The following ERV3-1 variants were observed in gnomAD, a reference collection of about 807,000 sequenced individuals.
ERV3-1 encodes endogenous retrovirus group 3 member 1 Env polyprotein.
Under a neutral mutation model 24.6 loss-of-function variants are expected in ERV3-1, and 36 were observed. The observed-to-expected ratio is 1.47, with a 90% CI of 1.12 to 1.94. The LOEUF (loss-of-function observed/expected upper bound fraction) is 1.94, where lower values mean the gene tolerates loss of function less well. ERV3-1 is among the 30% of genes most tolerant of loss of function. The pLI is 0.00. For synonymous variants in ERV3-1, 211 were observed against 122.6 expected (o/e 1.72, Z -4.76); for missense variants, 578 against 330.9 (o/e 1.75, Z -5.79).
At chr7:64,998,053 T>C (rs1234729467) in intron 1 of ERV3-1, among the ~76,000 whole-genome samples, 2 of 152,130 alleles carry the variant, frequency 1.3e-5, no homozygotes, top group Non-Finnish European at 2.9e-5. Flanking sequence ...GGGGCTCAGA[T>C]TTCCCCCTTT....
At position 64,991,021 on chromosome 7, in the gene ERV3-1, G is replaced by C. The variant is rs915875419; in HGVS notation, c.*191C>G. On this transcript the variant is annotated 3_prime_UTR_variant, in exon 2 of 2. Coordinates refer to ENST00000394323, the MANE Select transcript of ERV3-1 (RefSeq NM_001007253.4). ...TTTTCTTGGCAGGGGTTAATACTTA[G>C]TTAGGGCCATTAGTCGTGTGGTAGT... 6 of 488,644 alleles carry C rather than the reference G, an allele frequency of 1.2e-5. No homozygotes were observed. The highest frequency in any genetic ancestry group is 2.2e-5 in the Non-Finnish European group (6 of 277,134). 30.3% of individuals were successfully genotyped at this position (488,644 alleles called of 1,614,324 possible).
chr7:64,999,227 G>C (rs1562655331), intron 1 of ERV3-1, among the ~76,000 whole-genome samples: 1 of 152,212 alleles, frequency 6.6e-6, no homozygotes, highest in Non-Finnish European at 1.5e-5. Flanking sequence ...TCCCCTCCGG[G>C]TTGAAGGTCT....
In ERV3-1 at chr7:64,992,752, A is replaced by T; in HGVS notation, c.275T>A (p.Phe92Tyr). The change falls in exon 2 of 2, where the codon TTT becomes TAT. Residue 92 changes from phenylalanine to tyrosine, a missense_variant. Physicochemically the swap from Phe to Tyr is conservative, Grantham distance 22 (BLOSUM62 3). Coordinates refer to ENST00000394323, the MANE Select transcript of ERV3-1 (RefSeq NM_001007253.4). The stretch of plus-strand genomic sequence containing the variant: ...TTCCTTTGACCCGACATGAATTTCA[A>T]ACCAGGTCCCAGGTGAAGACTTAGG... ...YDPKSSPGTWFEIHVGSKEGD... is the reference protein window; with the variant it reads ...YDPKSSPGTWYEIHVGSKEGD... 1 of 766,444 alleles carries T rather than the reference A, an allele frequency of 1.3e-6. No homozygotes were observed. Among genetic ancestry groups the T allele is most frequent in the Non-Finnish European group, 2.4e-6 (1 of 417,912 alleles). 47.5% of individuals were successfully genotyped at this position (766,444 alleles called of 1,614,324 possible). A position where few individuals can be genotyped will look rare whatever the true frequency, so the allele number is the denominator to read the frequency against.
intron 1 of ERV3-1, among the ~76,000 whole-genome samples, chr7:64,999,917 C>G (rs1786483673): frequency 6.6e-6 from 1 of 152,082 alleles, no homozygotes; most frequent in African/African-American, 2.4e-5. Flanking sequence ...CTTGTTTTTC[C>G]TTTTATATTT....
intron 1 of ERV3-1, among the ~76,000 whole-genome samples, chr7:65,000,811 A>C (rs959870583): frequency 6.6e-6 from 1 of 152,138 alleles, no homozygotes; most frequent in Non-Finnish European, 1.5e-5. Flanking sequence ...AAAATAAAAT[A>C]TTTAATAAAA....
In ERV3-1 at chr7:65,006,590, A is replaced by G; in HGVS notation, c.-438T>C. On this transcript the variant is annotated 5_prime_UTR_variant, in exon 1 of 2. Coordinates refer to ENST00000394323, the MANE Select transcript of ERV3-1 (RefSeq NM_001007253.4). The stretch of plus-strand genomic sequence containing the variant: ...TGGCGTCTTAGCTGTGGATCTCCCA[A>G]TACCTGCAGGTAACGAGGCCACAGA... 1.9e-6 allele frequency: 3 copies of G among 1,573,482 alleles called. No individual in the cohort carries two copies.
At chr7:64,999,133 G>C (rs1320323886) in intron 1 of ERV3-1, among the ~76,000 whole-genome samples, 1 of 152,138 alleles carries the variant, frequency 6.6e-6, no homozygotes, top group East Asian at 1.9e-4. Context: ...CAGTCCTGTA[G>C]CGTGAAGTCC....
rs980399918 is a variant in ERV3-1 at position 64,992,613 on chromosome 7, A to G, written c.414T>C (p.Ser138=). ...SMGSLFPVIF[S]SMEYYSSCHK... Reference sequence around the variant, plus strand: ...GGCAGCTACTATAGTACTCCATGGAACTGAAGATTACGGGAAAGAGTGAGC... The same window carrying G: ...GGCAGCTACTATAGTACTCCATGGAGCTGAAGATTACGGGAAAGAGTGAGC... Residue 138 remains serine (S), a synonymous_variant, in exon 2 of 2, where the codon AGT becomes AGC. Coordinates refer to ENST00000394323, the MANE Select transcript of ERV3-1 (RefSeq NM_001007253.4). 2.6e-6 allele frequency: 2 copies of G among 766,278 alleles called. No homozygotes were observed. The highest frequency in any genetic ancestry group is 4.8e-6 in the Non-Finnish European group (2 of 417,910). 47.5% of individuals were successfully genotyped at this position (766,278 alleles called of 1,614,324 possible).
In ERV3-1 at chr7:64,992,315, A is replaced by T; in HGVS notation, c.712T>A (p.Tyr238Asn). The T allele has an allele frequency of 1.3e-6, 1 of 766,308 alleles. No homozygotes were observed. The highest frequency in any genetic ancestry group is 2.4e-6 in the Non-Finnish European group (1 of 417,892). 47.5% of individuals were successfully genotyped at this position (766,308 alleles called of 1,614,324 possible). ...EIGPGAYVYL[Y>N]IIKKTRTRST... ...CGGGTCCGAGTTTTCTTTATGATAT[A>T]TAGATAGACATAGGCTCCTGGGCCA... Residue 238 changes from tyrosine to asparagine, a missense_variant, in exon 2 of 2, where the codon TAT becomes AAT. Coordinates refer to ENST00000394323, the MANE Select transcript of ERV3-1 (RefSeq NM_001007253.4).
At chr7:65,004,841 T>A (rs913939739) in intron 1 of ERV3-1, 4 of 150,614 alleles carry the variant, frequency 2.7e-5, no homozygotes, top group African/African-American at 7.3e-5. Context: ...TGCAAGTTGC[T>A]GCACCATCTC....
chr7:64,994,999 C>T (rs571285959), intron 1 of ERV3-1, among the ~76,000 whole-genome samples: 3 of 152,354 alleles, frequency 2.0e-5, no homozygotes, highest in East Asian at 3.9e-4. Flanking sequence ...GAGAATACCT[C>T]GTCCACTGTT....
At chr7:65,000,269 G>C (rs1250227332) in intron 1 of ERV3-1, among the ~76,000 whole-genome samples, 3 of 152,002 alleles carry the variant, frequency 2.0e-5, no homozygotes, top group Admixed American at 2.0e-4. Context: ...GTTGCCCAGG[G>C]TGGAGTGCAG....
Position 64,992,162 on chromosome 7 carries a change from C to T in ERV3-1, c.865G>A (p.Val289Ile), listed in dbSNP as rs371937339. Residue 289 changes from valine (V) to isoleucine (I), a missense_variant, in exon 2 of 2, where the codon GTT becomes ATT. By Grantham distance (29) the Val-to-Ile change is conservative. Transcript: ENST00000394323. ...CCCCCACAGACATAACATGAAGCAA[C>T]GTGCAGGCTGCTGGCTATGTTTTCA... The part of the protein sequence containing the change: ...LAENIASSLH[V>I]ASCYVCGGMN... 28 of 766,250 alleles carry T rather than the reference C, an allele frequency of 3.7e-5. No homozygotes were observed. Among genetic ancestry groups the T allele is most frequent in the East Asian group, 1.2e-4 (5 of 41,248 alleles). 47.5% of individuals were successfully genotyped at this position (766,250 alleles called of 1,614,324 possible). A position where few individuals can be genotyped will look rare whatever the true frequency, so the allele number is the denominator to read the frequency against.
chr7:64,993,048 G>T lies in ERV3-1; in HGVS notation c.-22C>A. 2.8e-6 allele frequency: 2 copies of T among 713,146 alleles called. 1 individual carries two copies. Among genetic ancestry groups the T allele is most frequent in the South Asian group, 3.0e-5 (2 of 67,374 alleles). 44.2% of individuals were successfully genotyped at this position (713,146 alleles called of 1,614,324 possible). A position where few individuals can be genotyped will look rare whatever the true frequency, so the allele number is the denominator to read the frequency against. On this transcript the variant is annotated 5_prime_UTR_variant, in exon 2 of 2. Coordinates refer to ENST00000394323, the MANE Select transcript of ERV3-1 (RefSeq NM_001007253.4). ...GCATGGACAGAAAAGGCTTTTTCCT[G>T]GGGGGAGAAGGCTAAGCAAAGTGAC...
chr7:65,000,303 A>C (rs1280628883), intron 1 of ERV3-1, among the ~76,000 whole-genome samples: 2 of 152,046 alleles, frequency 1.3e-5, no homozygotes, highest in Non-Finnish European at 2.9e-5. Context: ...GCTCACTGCA[A>C]GCTCCGCCTC....
At chr7:65,006,263 G>A (rs910987725) in intron 1 of ERV3-1, 26 of 529,450 alleles carry the variant, frequency 4.9e-5, no homozygotes, top group Non-Finnish European at 8.8e-5. Flanking sequence ...CACAATCGGG[G>A]AGAGCTGCGG....
chr7:65,006,123 G>A (rs2129125299), intron 1 of ERV3-1: 1 of 184,312 alleles, frequency 5.4e-6, no homozygotes, highest in East Asian at 1.6e-4. Context: ...TAATATTTCT[G>A]CGGAGACTTC....
chr7:64,991,478 T>C lies in ERV3-1; in HGVS notation c.1549A>G (p.Arg517Gly). 1.4e-6 allele frequency: 1 copy of C among 704,160 alleles called. No homozygotes were observed. The allele number at this position is 704,160 out of a possible 1,614,324, so 43.6% of individuals were successfully genotyped here. A position where few individuals can be genotyped will look rare whatever the true frequency, so the allele number is the denominator to read the frequency against. Residue 517 changes from arginine (R) to glycine (G), a missense_variant, in exon 2 of 2, where the codon AGA becomes GGA. Transcript: ENST00000394323. ...TPVYMLNRII[R>G]LQAVLEIITN... Reference sequence around the variant, plus strand: ...ATGATTTCTAGTACTGCCTGCAATCTTATAATGCGGTTAAGCATGTAAACT... The same window carrying C: ...ATGATTTCTAGTACTGCCTGCAATCCTATAATGCGGTTAAGCATGTAAACT...
chr7:64,996,277 A>C (rs1786407401), intron 1 of ERV3-1, among the ~76,000 whole-genome samples: 1 of 152,198 alleles, frequency 6.6e-6, no homozygotes, highest in African/African-American at 2.4e-5. Flanking sequence ...TCACAGAGCC[A>C]CTTTAAATGC....
Sources: gnomAD v4.1 joint callset for allele counts (sites outside exome capture counted in the v4.1 genomes callset) on GRCh38, gnomAD v4.1.1 for gene constraint, MANE v1.5 for transcripts, NCBI Gene and HGNC (gene_info 2026-07-23, HGNC 2026-07-21) for gene names.